CHRNA7: variants seen among roughly 807,000 people sequenced by gnomAD.
CHRNA7 encodes the protein neuronal acetylcholine receptor subunit alpha-7.
A neutral mutation model predicts 48.0 loss-of-function variants in CHRNA7; 17 were observed. That is an observed-to-expected ratio of 0.35 (90% CI 0.24 to 0.53). The LOEUF is 0.53. CHRNA7 is among the 20% of genes least tolerant of loss of function. CHRNA7 has a pLI of 0.92. For missense variants in CHRNA7, 155 were observed against 577.7 expected, an observed-to-expected ratio of 0.27 and a Z score of 7.50; for synonymous variants, 75 against 242.3, an observed-to-expected ratio of 0.31 and a Z score of 6.41.
intron 2 of CHRNA7, among the ~76,000 whole-genome samples, chr15:32,078,816 C>T (rs1329394915): frequency 6.6e-6 from 1 of 152,126 alleles, no homozygotes; most frequent in Non-Finnish European, 1.5e-5. Context: ...CCAGCATCAT[C>T]CTGATACCAA....
At position 32,121,855 on chromosome 15, in the gene CHRNA7, A is replaced by T. The variant is rs537942696; in HGVS notation, c.350+9956A>T. 2.6e-5 allele frequency among the ~76,000 whole-genome samples: 4 copies of T among 152,276 alleles called. No individual in the cohort carries two copies. The South Asian group carries it at 8.3e-4, about 32-fold the overall frequency. ...CTAAATGTGGCAGGATCCTCAATGC[A>T]TATGCTTGGAATGAAAGGGAGAGGG... On this transcript the variant is annotated intron_variant, in intron 4 of 9. Coordinates refer to ENST00000306901, the MANE Select transcript of CHRNA7 (RefSeq NM_000746.6).
intron 4 of CHRNA7, among the ~76,000 whole-genome samples, chr15:32,122,209 C>T (rs371982781): frequency 6.6e-6 from 1 of 152,166 alleles, no homozygotes; most frequent in East Asian, 1.9e-4. Flanking sequence ...CTACCCTGTT[C>T]CAGGAGGGAG....
chr15:32,053,783 C>T (rs1913457), intron 2 of CHRNA7, among the ~76,000 whole-genome samples: 149,211 of 152,336 alleles, frequency 0.98, 73,163 homozygotes, highest in East Asian at 1. Flanking sequence ...TCTTGTATTA[C>T]GGGTTAAAAA....
chr15:32,078,662 C>CAG (rs2050170515), intron 2 of CHRNA7, among the ~76,000 whole-genome samples: 2 of 99,464 alleles, frequency 2.0e-5, no homozygotes, highest in Admixed American at 1.1e-4. Flanking sequence ...GCCTACCAAC[C>CAG]AAAAAAAAAA....
chr15:32,070,035 A>G (rs1251159295), intron 2 of CHRNA7, among the ~76,000 whole-genome samples: 3 of 152,158 alleles, frequency 2.0e-5, no homozygotes, highest in Non-Finnish European at 4.4e-5. Flanking sequence ...ATAGATGTCT[A>G]TTTAGAAGAA....
chr15:32,151,118 T>A (rs2051619704), intron 4 of CHRNA7, among the ~76,000 whole-genome samples: 1 of 152,106 alleles, frequency 6.6e-6, no homozygotes, highest in Non-Finnish European at 1.5e-5. Context: ...CAATTACTAC[T>A]TTTTTCCTAG....
At chr15:32,087,536 T>G (rs1382638607) in intron 2 of CHRNA7, among the ~76,000 whole-genome samples, 1 of 152,172 alleles carries the variant, frequency 6.6e-6, no homozygotes, top group Non-Finnish European at 1.5e-5. Flanking sequence ...GAGCAAAGAG[T>G]TATATGTGTA....
intron 2 of CHRNA7, among the ~76,000 whole-genome samples, chr15:32,059,478 T>C (rs1323496283): frequency 6.6e-6 from 1 of 152,192 alleles, no homozygotes; most frequent in African/African-American, 2.4e-5. Context: ...ATTGTTTTGC[T>C]TTGGTCACTG....
chr15:32,130,145 A>G lies in CHRNA7; in HGVS notation c.350+18246A>G, dbSNP rs116903155. On this transcript the variant is annotated intron_variant, in intron 4 of 9. Transcript: ENST00000306901. ...TATGGTCTATCTTGGTATATGCTCC[A>G]TGAGTACTTGTTGGTAGACAGTTTC... 3.0e-3 allele frequency among the ~76,000 whole-genome samples: 464 copies of G among 152,142 alleles called. 1 individual carries two copies. The highest frequency in any genetic ancestry group is 4.8e-3 in the Admixed American group (74 of 15,284).
At chr15:32,036,871 G>A (rs575069675) in intron 2 of CHRNA7, among the ~76,000 whole-genome samples, 1 of 150,980 alleles carries the variant, frequency 6.6e-6, no homozygotes, top group South Asian at 2.1e-4. Context: ...ATTTTTCCCA[G>A]TCAGTACCTT....
chr15:32,044,792 G>C (rs1382740319), intron 2 of CHRNA7, among the ~76,000 whole-genome samples: 1 of 152,220 alleles, frequency 6.6e-6, no homozygotes, highest in African/African-American at 2.4e-5. Context: ...AGAGGCTAGG[G>C]ATGCTACTAA....
chr15:32,132,542 T>G (rs2051174128), intron 4 of CHRNA7, among the ~76,000 whole-genome samples: 1 of 152,200 alleles, frequency 6.6e-6, no homozygotes, highest in Admixed American at 6.5e-5. Context: ...GAAATTTATT[T>G]TCACACAATT....
At chr15:32,071,706 G>A (rs1477013262) in intron 2 of CHRNA7, among the ~76,000 whole-genome samples, 5 of 152,048 alleles carry the variant, frequency 3.3e-5, no homozygotes, top group Admixed American at 6.6e-5. Flanking sequence ...CTTTCACCAC[G>A]TGACACACCT....
chr15:32,033,739 G>C (rs1482611879), intron 2 of CHRNA7, among the ~76,000 whole-genome samples: 1 of 152,188 alleles, frequency 6.6e-6, no homozygotes, highest in African/African-American at 2.4e-5. Context: ...GCTTCGTGTG[G>C]CAAAATCTTG....
At chr15:32,089,823 C>T (rs962066683) in intron 2 of CHRNA7, among the ~76,000 whole-genome samples, 2 of 152,054 alleles carry the variant, frequency 1.3e-5, no homozygotes, top group African/African-American at 2.4e-5. Context: ...TTTTAGTGTG[C>T]GAATTCATGT....
intron 2 of CHRNA7, among the ~76,000 whole-genome samples, chr15:32,044,244 G>A (rs943794740): frequency 5.8e-5 from 4 of 68,422 alleles, no homozygotes; most frequent in Non-Finnish European, 1.1e-4. Context: ...CAGATCGATC[G>A]ATCTTTTCCT....
intron 4 of CHRNA7, among the ~76,000 whole-genome samples, chr15:32,144,220 T>C (rs1002007446): frequency 3.3e-5 from 5 of 152,252 alleles, no homozygotes; most frequent in African/African-American, 4.8e-5. Flanking sequence ...TGAAAATTCT[T>C]TAAGAATGTT....
intron 2 of CHRNA7, among the ~76,000 whole-genome samples, chr15:32,083,563 G>GT (rs1382822547): frequency 3.3e-5 from 5 of 152,190 alleles, no homozygotes; most frequent in Non-Finnish European, 7.3e-5. Flanking sequence ...TGGGCTACAT[G>GT]TGAAGGGATG....
At chr15:32,130,066 C>T (rs1382370583) in intron 4 of CHRNA7, among the ~76,000 whole-genome samples, 1 of 152,032 alleles carries the variant, frequency 6.6e-6, no homozygotes, top group African/African-American at 2.4e-5. Flanking sequence ...AAATATCACA[C>T]TTTGTGTGGT....
Sources: allele counts gnomAD v4.1 joint callset (sites outside exome capture counted in the v4.1 genomes callset), GRCh38; gene constraint gnomAD v4.1.1; transcripts MANE v1.5; gene names NCBI Gene and HGNC (gene_info 2026-07-23, HGNC 2026-07-21).